Variants in GNA13 observed in about 807,000 individuals in gnomAD.
GNA13 encodes G protein subunit alpha 13, also known as guanine nucleotide-binding protein subunit alpha-13.
A neutral mutation model predicts 33.5 loss-of-function variants in GNA13; 4 were observed. That is an observed-to-expected ratio of 0.12 (90% CI 0.06 to 0.27). The LOEUF is 0.27. Among genes scored for constraint, GNA13 ranks in the 10% least tolerant of loss-of-function variants. GNA13 has a pLI of 1.00. For synonymous variants in GNA13, 176 were observed against 183.8 expected (o/e 0.96, Z 0.34); for missense variants, 319 against 487.2 (o/e 0.65, Z 3.25).
intron 2 of GNA13, among the ~76,000 whole-genome samples, chr17:65,049,960 A>G (rs1907803599): frequency 6.6e-6 from 1 of 152,234 alleles, no homozygotes; most frequent in Non-Finnish European, 1.5e-5. Flanking sequence ...ACGCATGATG[A>G]GAGCTATAGA....
intron 2 of GNA13, among the ~76,000 whole-genome samples, chr17:65,037,787 A>AAAAAAAAAAAAAAAAAAAG (rs1397963374): frequency 6.7e-6 from 1 of 149,148 alleles, no homozygotes; most frequent in South Asian, 2.1e-4. Context: ...GGAAAAAAAA[A>AAAAAAAAAAAAAAAAAAAG]AAAAAAAAAA....
chr17:65,048,989 CAAATA>C (rs1907767652), intron 2 of GNA13, among the ~76,000 whole-genome samples: 1 of 152,062 alleles, frequency 6.6e-6, no homozygotes, highest in Non-Finnish European at 1.5e-5. Flanking sequence ...TCAACCCCCC[CAAATA>C]AAAATTATAA....
chr17:65,022,801 C>T (rs1378523321), intron 2 of GNA13, among the ~76,000 whole-genome samples: 1 of 152,190 alleles, frequency 6.6e-6, no homozygotes, highest in East Asian at 1.9e-4. Flanking sequence ...GTGAGTAACT[C>T]ATGTTTGATT....
intron 2 of GNA13, among the ~76,000 whole-genome samples, chr17:65,042,608 G>T (rs965044513): frequency 5.9e-5 from 9 of 151,566 alleles, no homozygotes; most frequent in Middle Eastern, 3.5e-3. Flanking sequence ...ATGGTGGTGC[G>T]GGCCTGTAGT....
At chr17:65,034,543 C>T (rs537232428) in intron 2 of GNA13, among the ~76,000 whole-genome samples, 2 of 152,110 alleles carry the variant, frequency 1.3e-5, no homozygotes, top group Non-Finnish European at 2.9e-5. Context: ...TGTGATCCAC[C>T]TGCCTCGGCC....
intron 2 of GNA13, among the ~76,000 whole-genome samples, chr17:65,019,768 C>T (rs1906517952): frequency 6.6e-6 from 1 of 152,136 alleles, no homozygotes; most frequent in Non-Finnish European, 1.5e-5. Flanking sequence ...GATAGCACAA[C>T]AGGGTGACTA....
At chr17:65,033,066 G>A (rs1907107409) in intron 2 of GNA13, among the ~76,000 whole-genome samples, 2 of 151,520 alleles carry the variant, frequency 1.3e-5, no homozygotes, top group Admixed American at 6.6e-5. Flanking sequence ...AGCCAAGATC[G>A]TGCCACTGTA....
chr17:65,046,859 A>C (rs1907682592), intron 2 of GNA13, among the ~76,000 whole-genome samples: 1 of 152,374 alleles, frequency 6.6e-6, no homozygotes, highest in South Asian at 2.1e-4. Flanking sequence ...TTTAGCAATA[A>C]AAGGTAATAT....
chr17:65,026,077 G>A (rs2143786976), intron 2 of GNA13, among the ~76,000 whole-genome samples: 2 of 151,446 alleles, frequency 1.3e-5, no homozygotes, highest in Non-Finnish European at 2.9e-5. Context: ...AAAATGAGAG[G>A]CCTACTCTGC....
chr17:65,041,311 G>A (rs1286279927), intron 2 of GNA13, among the ~76,000 whole-genome samples: 2 of 152,046 alleles, frequency 1.3e-5, no homozygotes, highest in Admixed American at 1.3e-4. Context: ...ATGTTTTTTG[G>A]GGAGAGTGAG....
chr17:65,037,777 G>GAAAAAAAAAAAACAAAAA (rs145051963), intron 2 of GNA13, among the ~76,000 whole-genome samples: 1 of 82,042 alleles, frequency 1.2e-5, no homozygotes, highest in African/African-American at 5.1e-5. Context: ...CTACAAAAAT[G>GAAAAAAAAAAAACAAAAA]GAAAAAAAAA....
At position 65,013,727 on chromosome 17, in the gene GNA13, A is replaced by G. The variant is rs572641935; in HGVS notation, c.*530T>C. The G allele has an allele frequency of 1.4e-3, 299 of 208,738 alleles. 4 individuals are homozygous for G. The highest frequency in any genetic ancestry group is 6.3e-3 in the African/African-American group (278 of 44,078). The allele number at this position is 208,738 out of a possible 1,614,324, so 12.9% of individuals were successfully genotyped here. ...TGTGTATACAAGCAATTAAAATATG[A>G]AGGCTAAACCTTCTATAAACCTACA... On this transcript the variant is annotated 3_prime_UTR_variant, in exon 4 of 4. Coordinates refer to ENST00000439174, the MANE Select transcript of GNA13 (RefSeq NM_006572.6).
chr17:65,056,246 CCCGCACCCGCCGCCG>C, intron 1 of GNA13, 50 bp downstream of exon 1: 15 of 1,031,280 alleles, frequency 1.5e-5, no homozygotes, highest in Non-Finnish European at 2.1e-5. Context: ...GGTGCCCCGC[CCCGCACCCGCCGCCG>C]CCCCAGCCCC....
chr17:65,047,615 T>C (rs1907712814), intron 2 of GNA13, among the ~76,000 whole-genome samples: 2 of 152,004 alleles, frequency 1.3e-5, no homozygotes, highest in Admixed American at 6.6e-5. Flanking sequence ...TTCTTTAATA[T>C]TTAAAGCAAA....
At chr17:65,042,379 A>C (rs952779719) in intron 2 of GNA13, among the ~76,000 whole-genome samples, 5 of 150,768 alleles carry the variant, frequency 3.3e-5, no homozygotes, top group Non-Finnish European at 4.4e-5. Flanking sequence ...AAAAAAGAAG[A>C]ACCACATCAT....
In GNA13 at chr17:65,053,639, A is replaced by T; in HGVS notation, c.373T>A (p.Phe125Ile). The T allele has an allele frequency of 6.2e-7, 1 of 1,613,916 alleles. No individual in the cohort carries two copies. The highest frequency in any genetic ancestry group is 8.5e-7 in the Non-Finnish European group (1 of 1,179,796). Residue 125 changes from phenylalanine (F) to isoleucine (I), a missense_variant, in exon 2 of 4, where the codon TTT becomes ATT. Physicochemically the swap from Phe to Ile is conservative, Grantham distance 21. Transcript: ENST00000439174. ...GCTGCCATGGGGGCCCGGGTATCAA[A>T]CGACATCATCTTATCTCCATGTTGT... ...NQQHGDKMMS[F>I]DTRAPMAAQG...
chr17:65,045,164 A>G (rs1907614508), intron 2 of GNA13, among the ~76,000 whole-genome samples: 1 of 152,116 alleles, frequency 6.6e-6, no homozygotes, highest in South Asian at 2.1e-4. Context: ...TCCTAGAAAA[A>G]TGTTGGCAAT....
chr17:65,039,824 A>G (rs1273966299), intron 2 of GNA13, among the ~76,000 whole-genome samples: 4 of 152,158 alleles, frequency 2.6e-5, no homozygotes. Context: ...AACCCACAAA[A>G]AGGTAACTGA....
rs150997140 is a variant in GNA13 at position 65,053,527 on chromosome 17, T to C, written c.485A>G (p.Tyr162Cys). 2.5e-6 allele frequency: 4 copies of C among 1,608,380 alleles called. No individual in the cohort carries two copies. The highest frequency in any genetic ancestry group is 2.2e-5 in the East Asian group (1 of 44,874). Reference sequence around the variant, plus strand: ...CAGTTGAAATTCTCGACGCCGGTCATAGGCATTCTGTATGCCGCTGTCTGC... The same window carrying C: ...CAGTTGAAATTCTCGACGCCGGTCACAGGCATTCTGTATGCCGCTGTCTGC... ...LWADSGIQNA[Y>C]DRRREFQLGE... The change falls in exon 2 of 4, where the codon TAT (tyrosine) becomes TGT (cysteine). Residue 162 changes from tyrosine to cysteine, a missense_variant. Coordinates refer to ENST00000439174, the MANE Select transcript of GNA13 (RefSeq NM_006572.6).
Sources: gnomAD v4.1 joint callset for allele counts (sites outside exome capture counted in the v4.1 genomes callset) on GRCh38, gnomAD v4.1.1 for gene constraint, MANE v1.5 for transcripts, NCBI Gene and HGNC (gene_info 2026-07-23, HGNC 2026-07-21) for gene names.